TWSG1: variants seen among roughly 807,000 people sequenced by gnomAD.
The protein encoded by TWSG1 is twisted gastrulation BMP signaling modulator 1.
In TWSG1, 15 loss-of-function variants were observed where a neutral mutation model predicts 23.0. The ratio of observed to expected loss-of-function variants is 0.65; its 90% CI spans 0.44 to 1.00. TWSG1 has a LOEUF of 1.00. Among genes scored for constraint, TWSG1 ranks in the 50% least tolerant of loss-of-function variants. The pLI is 0.00. For missense variants in TWSG1, 242 were observed against 278.7 expected (o/e 0.87, Z 0.94); for synonymous variants, 86 against 92.8 (o/e 0.93, Z 0.42).
intron 3 of TWSG1, among the ~76,000 whole-genome samples, chr18:9,384,964 T>G (rs2040675508): frequency 2.6e-5 from 4 of 152,154 alleles, no homozygotes. Flanking sequence ...GCTTGCTCTT[T>G]AGTAAACAGA....
At chr18:9,384,933 C>T (rs2040675361) in intron 3 of TWSG1, among the ~76,000 whole-genome samples, 1 of 152,102 alleles carries the variant, frequency 6.6e-6, no homozygotes, top group South Asian at 2.1e-4. Flanking sequence ...AGGCATGAGC[C>T]ACCACACCCG....
At chr18:9,399,161 T>C (rs2040751217) in intron 4 of TWSG1, among the ~76,000 whole-genome samples, 185 bp from the exon 5 acceptor site, 1 of 152,254 alleles carries the variant, frequency 6.6e-6, no homozygotes, top group South Asian at 2.1e-4. Context: ...TGGGAGAATC[T>C]GACTTCCTTC....
intron 3 of TWSG1, among the ~76,000 whole-genome samples, chr18:9,380,391 G>A (rs1252516005): frequency 6.6e-6 from 1 of 152,132 alleles, no homozygotes; most frequent in Non-Finnish European, 1.5e-5. Flanking sequence ...CATGCTCCGT[G>A]ATCCATTATG....
chr18:9,397,858 G>C (rs1438130147), intron 4 of TWSG1, among the ~76,000 whole-genome samples: 1 of 152,046 alleles, frequency 6.6e-6, no homozygotes, highest in African/African-American at 2.4e-5. Context: ...TACAAAATTA[G>C]CTGGGCGTGG....
At chr18:9,383,604 G>A (rs1468092495) in intron 3 of TWSG1, among the ~76,000 whole-genome samples, 2 of 152,118 alleles carry the variant, frequency 1.3e-5, no homozygotes, top group Admixed American at 1.3e-4. Context: ...AAAAGATTAT[G>A]GTGGATTTGA....
intron 3 of TWSG1, among the ~76,000 whole-genome samples, chr18:9,387,770 CAAAAA>C (rs10616614): frequency 2.5e-5 from 3 of 120,900 alleles, no homozygotes; most frequent in Non-Finnish European, 1.8e-5. Context: ...AACTCTGTCT[CAAAAA>C]AAAAAAAAAA....
rs2040413961 is a variant in TWSG1 at position 9,334,936 on chromosome 18, TG to T, written c.-38+22del. The T allele has an allele frequency of 1.3e-5, 2 of 151,352 alleles. No homozygotes were observed. Among genetic ancestry groups the T allele is most frequent in the Non-Finnish European group, 1.5e-5 (1 of 67,988 alleles). 9.4% of individuals were successfully genotyped at this position (151,352 alleles called of 1,614,324 possible). A position where few individuals can be genotyped will look rare whatever the true frequency, so the allele number is the denominator to read the frequency against. ...GTGGCGCATGGTGAGTGGGAGCGGC[TG>T]GGGGGTTGTGCAGCCTCTTGGCCTC... On this transcript the variant is annotated intron_variant, in intron 1 of 4. Transcript: ENST00000262120. This position sits in a 1 kb window ranked among gnomAD's most constrained non-coding sequence, Gnocchi z 4.7.
intron 2 of TWSG1, among the ~76,000 whole-genome samples, chr18:9,350,390 C>T (rs1251120902): frequency 6.6e-6 from 1 of 152,162 alleles, no homozygotes; most frequent in Non-Finnish European, 1.5e-5. Flanking sequence ...GAGGATTTCA[C>T]TGGGACACAC....
intron 2 of TWSG1, among the ~76,000 whole-genome samples, chr18:9,354,065 G>C (rs1319316457): frequency 6.6e-6 from 1 of 152,114 alleles, no homozygotes; most frequent in African/African-American, 2.4e-5. Context: ...TTCTAAGAGA[G>C]TAATAACTGT....
At position 9,371,507 on chromosome 18, in the gene TWSG1, A is replaced by T. The variant is rs8093045; in HGVS notation, c.223+11436A>T. 8.6e-5 allele frequency among the ~76,000 whole-genome samples: 13 copies of T among 151,836 alleles called. No homozygotes were observed. In the East Asian group the frequency reaches 1.9e-3, roughly 23 times the overall value. Reference sequence around the variant, plus strand: ...AGACAGGGTTTCACCATGTTGGCCAAGCTGGTCTCAAACTCCTGACCTCGT... The same window carrying T: ...AGACAGGGTTTCACCATGTTGGCCATGCTGGTCTCAAACTCCTGACCTCGT... On this transcript the variant is annotated intron_variant, in intron 3 of 4. Transcript: ENST00000262120.
At chr18:9,393,140 T>C (rs905789602) in intron 3 of TWSG1, among the ~76,000 whole-genome samples, 7 of 152,248 alleles carry the variant, frequency 4.6e-5, no homozygotes, top group African/African-American at 1.7e-4. Flanking sequence ...ATGGCACTGA[T>C]AGACTAGCTC....
chr18:9,388,537 C>T (rs2040696130), intron 3 of TWSG1: 1 of 152,164 alleles, frequency 6.6e-6, no homozygotes, highest in South Asian at 2.1e-4. Context: ...GAGAAGTTGG[C>T]TAGGGAAAGT....
At chr18:9,366,375 C>T (rs1263875658) in intron 3 of TWSG1, among the ~76,000 whole-genome samples, 2 of 152,156 alleles carry the variant, frequency 1.3e-5, no homozygotes, top group African/African-American at 4.8e-5. Flanking sequence ...GCAACAGGCA[C>T]AGTGCCTGCA....
intron 3 of TWSG1, among the ~76,000 whole-genome samples, chr18:9,390,362 C>T (rs2040706930): frequency 1.3e-5 from 2 of 152,140 alleles, no homozygotes; most frequent in South Asian, 4.1e-4. Context: ...GGGGTTTCAC[C>T]ACGTTAGCCA....
At chr18:9,398,004 C>CAA (rs573745689) in intron 4 of TWSG1, among the ~76,000 whole-genome samples, 213 of 83,766 alleles carry the variant, frequency 2.5e-3, no homozygotes, top group East Asian at 4.0e-3. Context: ...AACTCCATCT[C>CAA]AAAAAAAAAA....
chr18:9,362,317 C>T (rs900358968), intron 3 of TWSG1, among the ~76,000 whole-genome samples: 1 of 152,142 alleles, frequency 6.6e-6, no homozygotes, highest in Non-Finnish European at 1.5e-5. Context: ...AAGCAGTCCT[C>T]CTGCCTCAGC....
At chr18:9,350,364 A>G (rs1045488799) in intron 2 of TWSG1, among the ~76,000 whole-genome samples, 1 of 152,218 alleles carries the variant, frequency 6.6e-6, no homozygotes, top group Admixed American at 6.5e-5. Flanking sequence ...CACCTGTTGC[A>G]TTGTTAAAAC....
At chr18:9,384,153 C>T (rs180920271) in intron 3 of TWSG1, among the ~76,000 whole-genome samples, 6 of 152,098 alleles carry the variant, frequency 3.9e-5, no homozygotes, top group East Asian at 1.9e-4. Flanking sequence ...AGGTTAAACT[C>T]GACTAGATTT....
At chr18:9,353,603 A>G (rs903457079) in intron 2 of TWSG1, among the ~76,000 whole-genome samples, 3 of 152,248 alleles carry the variant, frequency 2.0e-5, no homozygotes, top group Non-Finnish European at 4.4e-5. Context: ...AAGAACATCT[A>G]GCATAGTTAT....
Sources: allele counts gnomAD v4.1 joint callset (sites outside exome capture counted in the v4.1 genomes callset), GRCh38; gene constraint gnomAD v4.1.1; non-coding constraint Gnocchi (gnomAD v3.1); transcripts MANE v1.5; gene names NCBI Gene and HGNC (gene_info 2026-07-23, HGNC 2026-07-21).